Variants in KCNIP4 observed in about 807,000 individuals in gnomAD.
KCNIP4 encodes the protein potassium voltage-gated channel interacting protein 4, also known as Kv channel-interacting protein 4.
KCNIP4 carries 12 observed loss-of-function variants against 34.0 expected under a neutral mutation model. The ratio of observed to expected loss-of-function variants is 0.35; its 90% confidence interval spans 0.23 to 0.57. The LOEUF (loss-of-function observed/expected upper bound fraction) is 0.57. KCNIP4 is among the 20% of genes least tolerant of loss of function. The pLI is 0.83. For missense variants in KCNIP4, 238 were observed against 311.7 expected, an observed-to-expected ratio of 0.76 and a Z score of 1.78; for synonymous variants, 124 against 102.2, an observed-to-expected ratio of 1.21 and a Z score of -1.29.
intron 1 of KCNIP4, among the ~76,000 whole-genome samples, chr4:21,027,380 T>C (rs1227410033): frequency 1.3e-5 from 2 of 151,980 alleles, no homozygotes; most frequent in African/African-American, 4.8e-5. Flanking sequence ...AAGAAAAACT[T>C]CGTCACCCCT....
chr4:21,944,082 G>A (rs1451272893), intron 1 of KCNIP4, among the ~76,000 whole-genome samples: 1 of 151,686 alleles, frequency 6.6e-6, no homozygotes, highest in Non-Finnish European at 1.5e-5. Context: ...TGAGTCTGAC[G>A]AGCAGAAGAG....
chr4:20,824,067 G>T (rs1717421967), intron 3 of KCNIP4, among the ~76,000 whole-genome samples: 1 of 152,076 alleles, frequency 6.6e-6, no homozygotes, highest in African/African-American at 2.4e-5. Context: ...CATAATAATG[G>T]TATCTACCTC....
chr4:21,261,008 TTA>T (rs1761433846), intron 1 of KCNIP4, among the ~76,000 whole-genome samples: 1 of 152,134 alleles, frequency 6.6e-6, no homozygotes, highest in Admixed American at 6.6e-5. Flanking sequence ...AGCTAAACAT[TTA>T]TATTAAGAGA....
chr4:20,908,288 C>T (rs1377121415), intron 1 of KCNIP4, among the ~76,000 whole-genome samples: 4 of 152,056 alleles, frequency 2.6e-5, no homozygotes, highest in Admixed American at 2.0e-4. Flanking sequence ...TCACTAGAGG[C>T]AGGGCTTCAA....
chr4:20,892,453 C>T (rs950009491), intron 1 of KCNIP4, among the ~76,000 whole-genome samples: 1 of 152,088 alleles, frequency 6.6e-6, no homozygotes, highest in African/African-American at 2.4e-5. Context: ...CTCTTTGTCT[C>T]CCTCTTCTTC....
chr4:21,101,118 C>T (rs1488362262), intron 1 of KCNIP4, among the ~76,000 whole-genome samples: 1 of 152,102 alleles, frequency 6.6e-6, no homozygotes, highest in Non-Finnish European at 1.5e-5. Flanking sequence ...CCCTGCCATC[C>T]TCCCACCTAC....
chr4:21,823,559 T>C (rs1346695143), intron 1 of KCNIP4, among the ~76,000 whole-genome samples: 1 of 148,964 alleles, frequency 6.7e-6, no homozygotes, highest in Non-Finnish European at 1.5e-5. Flanking sequence ...TACATCTCAA[T>C]ACACTGGTAC....
At chr4:21,114,204 T>A (rs1749495281) in intron 1 of KCNIP4, among the ~76,000 whole-genome samples, 2 of 152,214 alleles carry the variant, frequency 1.3e-5, no homozygotes, top group African/African-American at 4.8e-5. Flanking sequence ...GCAGAGATTC[T>A]ACAAATCTTT....
chr4:21,247,916 C>G (rs978154498), intron 1 of KCNIP4, among the ~76,000 whole-genome samples: 1 of 135,976 alleles, frequency 7.4e-6, no homozygotes, highest in Non-Finnish European at 1.5e-5. Flanking sequence ...TATACACACA[C>G]ACACATATAT....
At chr4:20,860,868 C>T (rs1722121915) in intron 2 of KCNIP4, among the ~76,000 whole-genome samples, 1 of 152,130 alleles carries the variant, frequency 6.6e-6, no homozygotes. Flanking sequence ...ATGTTCAAGT[C>T]TGATACATCA....
chr4:21,044,454 G>A (rs1460170422), intron 1 of KCNIP4, among the ~76,000 whole-genome samples: 2 of 152,132 alleles, frequency 1.3e-5, no homozygotes, highest in Non-Finnish European at 2.9e-5. Context: ...TGGGACTAGA[G>A]GCACCTGCCA....
chr4:21,924,884 T>C (rs949478748), intron 1 of KCNIP4, among the ~76,000 whole-genome samples: 1 of 152,034 alleles, frequency 6.6e-6, no homozygotes, highest in Non-Finnish European at 1.5e-5. Context: ...TTGAGTTTGA[T>C]CATGCTACTC....
At chr4:21,715,573 T>G (rs146961939) in intron 1 of KCNIP4, among the ~76,000 whole-genome samples, 1 of 152,352 alleles carries the variant, frequency 6.6e-6, no homozygotes, top group African/African-American at 2.4e-5. Context: ...CTCTTTTGTC[T>G]TGATACAACA....
At chr4:21,713,483 T>C (rs1713904336) in intron 1 of KCNIP4, among the ~76,000 whole-genome samples, 1 of 152,200 alleles carries the variant, frequency 6.6e-6, no homozygotes, top group South Asian at 2.1e-4. Flanking sequence ...TAATACATAA[T>C]AGTTGTATAT....
intron 1 of KCNIP4, among the ~76,000 whole-genome samples, chr4:21,857,812 G>A (rs181825466): frequency 3.8e-4 from 58 of 152,294 alleles, no homozygotes; most frequent in African/African-American, 1.1e-3. Flanking sequence ...CCCCTTGCTC[G>A]CCACATTGCA....
intron 1 of KCNIP4, among the ~76,000 whole-genome samples, chr4:21,673,288 C>G (rs1749644248): frequency 6.6e-6 from 1 of 152,192 alleles, no homozygotes. Context: ...AGTATATACT[C>G]AAAATGACTC....
intron 1 of KCNIP4, among the ~76,000 whole-genome samples, chr4:21,192,921 ACTACTACTACTACT>A (rs1560797342): frequency 0.028 from 3,975 of 143,106 alleles, 254 homozygotes; most frequent in African/African-American, 0.095. Context: ...CGTCTCTACT[ACTACTACTACTACT>A]ACTACTACTA....
At chr4:21,683,451 T>A (rs1313756975) in intron 1 of KCNIP4, among the ~76,000 whole-genome samples, 1 of 10,672 alleles carries the variant, frequency 9.4e-5, no homozygotes, top group African/African-American at 4.9e-4. Context: ...GCCAGATTTT[T>A]TTTTTTTTTT....
At chr4:21,076,796 T>G (rs766673835) in intron 1 of KCNIP4, among the ~76,000 whole-genome samples, 3 of 152,146 alleles carry the variant, frequency 2.0e-5, no homozygotes, top group Non-Finnish European at 4.4e-5. Context: ...TTGGACTGAT[T>G]CATCAGTTAT....
Sources: gnomAD v4.1 joint callset for allele counts (sites outside exome capture counted in the v4.1 genomes callset) on GRCh38, gnomAD v4.1.1 for gene constraint, MANE v1.5 for transcripts, NCBI Gene and HGNC (gene_info 2026-07-23, HGNC 2026-07-21) for gene names.